Variants in HIP1 observed in about 807,000 individuals in gnomAD.
HIP1 encodes the protein huntingtin interacting protein 1, also known as huntingtin-interacting protein 1.
Under a neutral mutation model 147.6 loss-of-function variants are expected in HIP1, and 65 were observed. The observed-to-expected ratio is 0.44, with a 90% CI of 0.36 to 0.54. The LOEUF (loss-of-function observed/expected upper bound fraction) is 0.54, where lower values mean the gene tolerates loss of function less well. Ranked by LOEUF, HIP1 falls within the 20% of genes least tolerant of loss-of-function variation. The pLI, the probability that HIP1 is intolerant of heterozygous loss-of-function variation, is 0.00. For missense variants in HIP1, 1,061 were observed against 1,299.6 expected (o/e 0.82, Z 2.82); for synonymous variants, 479 against 504.0 (o/e 0.95, Z 0.67).
At chr7:75,555,197 G>GT (rs1232000056) in intron 19 of HIP1, among the ~76,000 whole-genome samples, 2 of 99,146 alleles carry the variant, frequency 2.0e-5, no homozygotes, top group Admixed American at 1.1e-4. Context: ...CGGGGGGGCG[G>GT]GGGGGGGGAA....
At chr7:75,539,554 A>AC in intron 29 of HIP1, 123 bp from the exon 30 acceptor site, 1 of 712,458 alleles carries the variant, frequency 1.4e-6, no homozygotes, top group Non-Finnish European at 2.3e-6. Context: ...TCCTGGCCTC[A>AC]AGAGATCCTC....
chr7:75,632,481 C>T (rs782136670), intron 1 of HIP1, among the ~76,000 whole-genome samples: 3 of 151,998 alleles, frequency 2.0e-5, no homozygotes, highest in African/African-American at 7.3e-5. Context: ...TCATAGCTCA[C>T]GGCAGCCCTG....
intron 7 of HIP1, among the ~76,000 whole-genome samples, chr7:75,576,360 CCCA>C (rs1460178780): frequency 6.6e-6 from 1 of 152,162 alleles, no homozygotes; most frequent in Non-Finnish European, 1.5e-5. Context: ...CCAGAACCGC[CCCA>C]CCATCTGTTT....
In HIP1 at chr7:75,547,824, G is replaced by A. The variant is rs1554491314; in HGVS notation, c.2407-11C>T. On this transcript the variant is annotated splice_polypyrimidine_tract_variant and intron_variant, in intron 23 of 30. Transcript: ENST00000336926. ...TTTGCTGAGCATCTCCTGTGAAAAA[G>A]AAGCATGGTTTCTAAATGTGCCTTG... is the stretch of plus-strand genomic sequence containing the variant. 1 of 1,612,562 alleles carries A rather than the reference G, an allele frequency of 6.2e-7. No individual in the cohort carries two copies.
rs782601668 is a variant in HIP1, at chr7:75,559,856, G to A, written c.1251C>T (p.Ala417=). The change falls in exon 14 of 31, where the codon GCC becomes GCT. Residue 417 remains alanine, a synonymous_variant. Transcript: ENST00000336926. ...CCTGCTGCCGCAGGTGCTGCTGCTC[G>A]GCCAGATCTGCTTCCAGCTCGCTGA... ...GHVSELEADL[A]EQQHLRQQAA... 4.3e-6 allele frequency: 7 copies of A among 1,612,320 alleles called. No individual in the cohort carries two copies. The highest frequency in any genetic ancestry group is 1.3e-5 in the African/African-American group (1 of 74,906).
intron 1 of HIP1, among the ~76,000 whole-genome samples, chr7:75,665,881 T>C (rs1554514563): frequency 6.6e-6 from 1 of 152,092 alleles, no homozygotes; most frequent in Non-Finnish European, 1.5e-5. Flanking sequence ...TTATAGCTTG[T>C]AGGTTTGTGG....
Position 75,544,764 on chromosome 7 carries a change from T to C in HIP1, c.2697A>G (p.Lys899=). 8 of 1,613,712 alleles carry C rather than the reference T, an allele frequency of 5.0e-6. No homozygotes were observed. The highest frequency in any genetic ancestry group is 6.8e-6 in the Non-Finnish European group (8 of 1,179,614). Residue 899 remains lysine, a synonymous_variant, in exon 27 of 31, where the codon AAA becomes AAG. Transcript: ENST00000336926. ...GAGAACACACCATTAGCTCCTCAAA[T>C]TTCCCTCTGCCTTGTACCACCAGAT... is the stretch of plus-strand genomic sequence containing the variant. ...AADLVVQGRG[K]FEELMVCSHE...
rs60377153 is a variant in HIP1, at chr7:75,594,008, G to A, written c.185-1494C>T. 7.0e-3 allele frequency among the ~76,000 whole-genome samples: 1,062 copies of A among 151,116 alleles called. 18 individuals are homozygous for A. Among genetic ancestry groups the A allele is most frequent in the African/African-American group, 0.025 (1,015 of 41,142 alleles). ...TAATAAATGTCCATCAGGGTGGAGC[G>A]CGGTGGCTCACACCTCCAATCCCAG... is the stretch of plus-strand genomic sequence containing the variant. On this transcript the variant is annotated intron_variant, in intron 2 of 30. Coordinates refer to ENST00000336926, the MANE Select transcript of HIP1 (RefSeq NM_005338.7).
chr7:75,650,814 G>A (rs2117186550), intron 1 of HIP1, among the ~76,000 whole-genome samples: 1 of 152,274 alleles, frequency 6.6e-6, no homozygotes, highest in Middle Eastern at 3.4e-3. Flanking sequence ...GCCTGTAGTG[G>A]CTCAGAGCTG....
intron 2 of HIP1, among the ~76,000 whole-genome samples, chr7:75,595,202 T>TTCTTTCTTTCTTTCTTTC (rs1554501621): frequency 6.8e-5 from 4 of 58,578 alleles, no homozygotes. Flanking sequence ...CTTTCTTTCT[T>TTCTTTCTTTCTTTCTTTC]TCTTTCTTTC....
At chr7:75,587,234 C>T (rs1584839817) in intron 4 of HIP1, among the ~76,000 whole-genome samples, 1 of 152,202 alleles carries the variant, frequency 6.6e-6, no homozygotes, top group South Asian at 2.1e-4. Context: ...GTGTGAGCCA[C>T]CACGCCCAGC....
At position 75,554,313 on chromosome 7, in the gene HIP1, T is replaced by G. The variant is rs1794908915; in HGVS notation, c.2051-93A>C. The G allele has an allele frequency of 2.3e-6, 3 of 1,294,924 alleles. No individual in the cohort carries two copies. The South Asian group carries it at 3.7e-5, about 16-fold the overall frequency. The allele number at this position is 1,294,924 out of a possible 1,614,324, so 80.2% of individuals were successfully genotyped here. On this transcript the variant is annotated intron_variant, in intron 20 of 30. Transcript: ENST00000336926. ...CGTTTTATGAGTTGCCTACATGCCT[T>G]TCTTGTATGAGTTGCCTACATGCCT...
rs78141054 is a variant in HIP1 at position 75,572,087 on chromosome 7, G to C, written c.745+1674C>G. Among the ~76,000 whole-genome samples the C allele has an allele frequency of 5.5e-3, 840 of 152,242 alleles. 9 individuals are homozygous for C. The highest frequency in any genetic ancestry group is 0.019 in the African/African-American group (792 of 41,540). On this transcript the variant is annotated intron_variant, in intron 8 of 30. Transcript: ENST00000336926. ...CAACAACAAAAAATTAGCTGGGTGTGCCAGCACAGACCTGTGGTCCCAGCT... is the reference window on the plus strand; with the variant it reads ...CAACAACAAAAAATTAGCTGGGTGTCCCAGCACAGACCTGTGGTCCCAGCT...
chr7:75,723,906 C>T (rs557880918), intron 1 of HIP1, among the ~76,000 whole-genome samples: 3 of 151,602 alleles, frequency 2.0e-5, no homozygotes, highest in East Asian at 3.9e-4. Context: ...TGTGTCAGTG[C>T]GCCCGGCTAA....
At chr7:75,617,496 C>T (rs901536344) in intron 1 of HIP1, among the ~76,000 whole-genome samples, 16 of 152,270 alleles carry the variant, frequency 1.1e-4, no homozygotes, top group South Asian at 2.1e-4. Context: ...GGATTACAGG[C>T]GTGACCCACC....
In HIP1 at chr7:75,620,861, G is replaced by A. The variant is rs1391078897; in HGVS notation, c.121-21614C>T. Among the ~76,000 whole-genome samples the A allele has an allele frequency of 2.6e-5, 4 of 152,038 alleles. No homozygotes were observed. In the East Asian group the frequency reaches 5.8e-4, roughly 22 times the overall value. Reference sequence around the variant, plus strand: ...ATAAGGGCAAGGATAGGGCTGGAGTGTTCTAGGCAGCATTATAACCTCCCA... The same window carrying A: ...ATAAGGGCAAGGATAGGGCTGGAGTATTCTAGGCAGCATTATAACCTCCCA... On this transcript the variant is annotated intron_variant, in intron 1 of 30. Transcript: ENST00000336926.
rs2705835 is a variant in HIP1, at chr7:75,659,666, C to A, written c.121-60419G>T. 8.9e-3 allele frequency among the ~76,000 whole-genome samples: 1,350 copies of A among 151,970 alleles called. 22 individuals are homozygous for A. The highest frequency in any genetic ancestry group is 0.031 in the African/African-American group (1,282 of 41,456). ...TCCATTTCAAAGAGAAAAAAAAAGA[C>A]AGAAAAAAAGAAAGGTAGGCAAGAA... On this transcript the variant is annotated intron_variant, in intron 1 of 30. Transcript: ENST00000336926.
At chr7:75,666,098 G>A (rs926749656) in intron 1 of HIP1, among the ~76,000 whole-genome samples, 2 of 152,110 alleles carry the variant, frequency 1.3e-5, no homozygotes, top group African/African-American at 4.8e-5. Flanking sequence ...GCTGGGGGAT[G>A]TGGGATGAAC....
At chr7:75,635,623 T>G (rs923811996) in intron 1 of HIP1, among the ~76,000 whole-genome samples, 1 of 151,224 alleles carries the variant, frequency 6.6e-6, no homozygotes, top group Non-Finnish European at 1.5e-5. Flanking sequence ...TGTGGAAGAT[T>G]TACTACTCCA....
Sources: allele counts gnomAD v4.1 joint callset (sites outside exome capture counted in the v4.1 genomes callset), GRCh38; gene constraint gnomAD v4.1.1; transcripts MANE v1.5; gene names NCBI Gene and HGNC (gene_info 2026-07-23, HGNC 2026-07-21).